The following MCIDAS variants were observed in gnomAD, a reference collection of about 807,000 sequenced individuals.
MCIDAS encodes multicilin.
Under a neutral mutation model 35.4 loss-of-function variants are expected in MCIDAS, and 23 were observed. The observed-to-expected ratio is 0.65, with a 90% CI of 0.47 to 0.92. The LOEUF (loss-of-function observed/expected upper bound fraction) is 0.92. Ranked by LOEUF, MCIDAS falls within the 40% of genes least tolerant of loss-of-function variation. MCIDAS has a pLI of 0.00. For synonymous variants in MCIDAS, 228 were observed against 235.2 expected (o/e 0.97, Z 0.28); for missense variants, 480 against 531.8 (o/e 0.90, Z 0.96).
At chr5:55,221,176 G>A in intron 5 of MCIDAS, 50 bp from the exon 6 acceptor site, 6 of 1,347,878 alleles carry the variant, frequency 4.5e-6, no homozygotes, top group East Asian at 2.5e-5. Flanking sequence ...GCTGGGTCTC[G>A]TCTGCATATC....
intron 4 of MCIDAS, 117 bp from the exon 5 acceptor site, chr5:55,222,516 C>A: frequency 1.2e-6 from 1 of 831,706 alleles, no homozygotes; most frequent in South Asian, 1.9e-5. Flanking sequence ...TTAAATTAAG[C>A]ACCCTTACTC....
chr5:55,220,766 G>T lies in MCIDAS; in HGVS notation c.758C>A (p.Ala253Asp), dbSNP rs763693097. 1 of 1,533,866 alleles carries T rather than the reference G, an allele frequency of 6.5e-7. No individual in the cohort carries two copies. Among genetic ancestry groups the T allele is most frequent in the South Asian group, 1.2e-5 (1 of 84,028 alleles). Residue 253 changes from alanine to aspartate, a missense_variant, in exon 7 of 7, where the codon GCC (alanine) becomes GAC (aspartate). By Grantham distance (126) the Ala-to-Asp change is moderately radical. Transcript: ENST00000513312. Reference sequence around the variant, plus strand: ...CTTCGCCTTGAGCAGGAAGGGCTCGGCCGCCGCCCCACAATCCCGGGACTG... The same window carrying T: ...CTTCGCCTTGAGCAGGAAGGGCTCGTCCGCCGCCCCACAATCCCGGGACTG... The part of the protein sequence containing the change: ...ITQSRDCGAA[A>D]EPFLLKAKAK...
At chr5:55,226,721 A>T (rs1745462237) in intron 2 of MCIDAS, 54 bp from the exon 3 acceptor site, 3 of 1,423,410 alleles carry the variant, frequency 2.1e-6, no homozygotes, top group East Asian at 2.8e-5. Context: ...CCTCTCCGCC[A>T]GGCTCGCAGC....
Position 55,223,117 on chromosome 5 carries a change from C to G in MCIDAS, c.310-94G>C. The G allele has an allele frequency of 9.9e-7, 1 of 1,011,594 alleles. No individual in the cohort carries two copies. Among genetic ancestry groups the G allele is most frequent in the South Asian group, 1.4e-5 (1 of 71,352 alleles). The allele number at this position is 1,011,594 out of a possible 1,614,324, so 62.7% of individuals were successfully genotyped here. A position where few individuals can be genotyped will look rare whatever the true frequency, so the allele number is the denominator to read the frequency against. ...GTCCCTGTTAAAAATCTGGCAGGCA[C>G]TATGCAATATATGCACGTAACACAA... On this transcript the variant is annotated intron_variant, in intron 3 of 6. Transcript: ENST00000513312. The surrounding 1 kb of genome is among the most constrained non-coding windows in gnomAD (Gnocchi z 4.4).
rs1016989420 is a variant in MCIDAS, at chr5:55,226,683, G to A, written c.218-16C>T. 3 of 1,480,496 alleles carry A rather than the reference G, an allele frequency of 2.0e-6. No homozygotes were observed. The highest frequency in any genetic ancestry group is 1.3e-5 in the South Asian group (1 of 76,356). 91.7% of individuals were successfully genotyped at this position (1,480,496 alleles called of 1,614,324 possible). A position where few individuals can be genotyped will look rare whatever the true frequency, so the allele number is the denominator to read the frequency against. ...GTGGTGAGGGCTGCGCGGGGAGACC[G>A]GGAGACACGCGCCGGGCGGGCCCTG... On this transcript the variant is annotated splice_polypyrimidine_tract_variant and intron_variant, in intron 2 of 6. Transcript: ENST00000513312.
chr5:55,227,118 G>A lies in MCIDAS; in HGVS notation c.21C>T (p.Gly7=). 6.8e-7 allele frequency: 1 copy of A among 1,479,648 alleles called. No homozygotes were observed. The highest frequency in any genetic ancestry group is 1.3e-5 in the South Asian group (1 of 76,858). The allele number at this position is 1,479,648 out of a possible 1,614,324, so 91.7% of individuals were successfully genotyped here. MQACGG[G]AAGRRAFDSI... is the part of the protein sequence containing the mutation. ...TGTCGAAGGCCCGACGGCCGGCCGC[G>A]CCGCCCCCGCACGCCTGCATTGTGC... The change falls in exon 1 of 7, where the codon GGC becomes GGT. Residue 7 remains glycine (G), a synonymous_variant. Transcript: ENST00000513312.
intron 2 of MCIDAS, 84 bp from the exon 3 acceptor site, chr5:55,226,751 G>T: frequency 7.1e-7 from 1 of 1,406,536 alleles, no homozygotes; most frequent in South Asian, 1.5e-5. Context: ...AGAGCCCGGG[G>T]GAGAGAAGCT....
Position 55,221,024 on chromosome 5 carries a change from C to G in MCIDAS, c.709G>C (p.Val237Leu). 1.3e-6 allele frequency: 2 copies of G among 1,535,948 alleles called. No homozygotes were observed. The highest frequency in any genetic ancestry group is 8.7e-7 in the Non-Finnish European group (1 of 1,146,754). ...GCCCGCGCCCCACTTACATCCAGCA[C>G]CGAGGCCAGGTGCCGGGTTCGGCTG... ...LASRTRHLAS[V>L]LDKLMITQSR... The change falls in exon 6 of 7, where the codon GTG (valine) becomes CTG (leucine). Residue 237 changes from valine (V) to leucine (L), a missense_variant. Transcript: ENST00000513312.
intron 3 of MCIDAS, among the ~76,000 whole-genome samples, chr5:55,224,337 C>T (rs1745417916): frequency 2.0e-5 from 3 of 152,052 alleles, no homozygotes; most frequent in African/African-American, 7.2e-5. Flanking sequence ...TACTGTTATC[C>T]CCAAAGCCCT....
intron 3 of MCIDAS, among the ~76,000 whole-genome samples, chr5:55,224,636 G>T (rs1028680093): frequency 6.6e-6 from 1 of 152,192 alleles, no homozygotes; most frequent in Admixed American, 6.5e-5. Flanking sequence ...CTCATGAGGA[G>T]ACTGGAGGCC....
At chr5:55,221,849 T>A (rs1745362067) in intron 5 of MCIDAS, among the ~76,000 whole-genome samples, 1 of 151,742 alleles carries the variant, frequency 6.6e-6, no homozygotes, top group African/African-American at 2.4e-5. Context: ...GGCTTGAGCC[T>A]GGGAGGCGGA....
chr5:55,223,578 G>T lies in MCIDAS; in HGVS notation c.310-555C>A, dbSNP rs1298523823. On this transcript the variant is annotated intron_variant, in intron 3 of 6. Transcript: ENST00000513312. This position sits in a 1 kb window ranked among gnomAD's most constrained non-coding sequence, Gnocchi z 4.4. ...TCCGACTCACCAGCGACCGGCCACC[G>T]AGCCGCCGCTGTAGGAGCTGAGAGC... is the stretch of plus-strand genomic sequence containing the variant. Among the ~76,000 whole-genome samples the T allele has an allele frequency of 3.9e-5, 6 of 152,342 alleles. No individual in the cohort carries two copies. The highest frequency in any genetic ancestry group is 2.1e-4 in the South Asian group (1 of 4,828).
intron 3 of MCIDAS, among the ~76,000 whole-genome samples, chr5:55,224,818 C>T (rs1745428257): frequency 6.6e-6 from 1 of 152,196 alleles, no homozygotes; most frequent in African/African-American, 2.4e-5. Flanking sequence ...GAGTGTTTCT[C>T]CCCTGGGGGC....
chr5:55,225,021 G>A (rs184050202), intron 3 of MCIDAS, among the ~76,000 whole-genome samples: 57 of 152,170 alleles, frequency 3.7e-4, no homozygotes, highest in Non-Finnish European at 6.8e-4. Context: ...GTGACATGGC[G>A]AATCCCCATC....
At position 55,226,817 on chromosome 5, in the gene MCIDAS, G is replaced by A; in HGVS notation, c.217+18C>T. ...GCGCGGGGAACCCGAGGGGTAGCGTGGGTGCCACGGGGCTCACCTGGCAGC... is the reference window on the plus strand; with the variant it reads ...GCGCGGGGAACCCGAGGGGTAGCGTAGGTGCCACGGGGCTCACCTGGCAGC... On this transcript the variant is annotated intron_variant, in intron 2 of 6. Coordinates refer to ENST00000513312, the MANE Select transcript of MCIDAS (RefSeq NM_001190787.3). 1 of 1,387,628 alleles carries A rather than the reference G, an allele frequency of 7.2e-7. No individual in the cohort carries two copies. The highest frequency in any genetic ancestry group is 9.3e-7 in the Non-Finnish European group (1 of 1,077,488). 86.0% of individuals were successfully genotyped at this position (1,387,628 alleles called of 1,614,324 possible).
At position 55,227,003 on chromosome 5, in the gene MCIDAS, G is replaced by C. The variant is rs1055800724; in HGVS notation, c.120+16C>G. On this transcript the variant is annotated intron_variant, in intron 1 of 6. Coordinates refer to ENST00000513312, the MANE Select transcript of MCIDAS (RefSeq NM_001190787.3). ...CGAGCGCGCAGACCCCGCCCGGCCC[G>C]AATCAACCGCCCCACCTTCCTCTCC... is the stretch of plus-strand genomic sequence containing the variant. 8 of 1,519,290 alleles carry C rather than the reference G, an allele frequency of 5.3e-6. No individual in the cohort carries two copies. In the South Asian group the frequency reaches 9.6e-5, roughly 18 times the overall value. 94.1% of individuals were successfully genotyped at this position (1,519,290 alleles called of 1,614,324 possible). A position where few individuals can be genotyped will look rare whatever the true frequency, so the allele number is the denominator to read the frequency against.
rs144810466 is a variant in MCIDAS, at chr5:55,224,295, T to A, written c.310-1272A>T. ...ACCAGAAAGACCTTATTATACTGAATGCACTGTTGATTCATTCCTTTGCGC... is the reference window on the plus strand; with the variant it reads ...ACCAGAAAGACCTTATTATACTGAAAGCACTGTTGATTCATTCCTTTGCGC... On this transcript the variant is annotated intron_variant, in intron 3 of 6. Coordinates refer to ENST00000513312, the MANE Select transcript of MCIDAS (RefSeq NM_001190787.3). 1.4e-4 allele frequency among the ~76,000 whole-genome samples: 21 copies of A among 152,188 alleles called. No homozygotes were observed. The East Asian group carries it at 4.1e-3, about 30-fold the overall frequency.
In MCIDAS at chr5:55,219,625, C is replaced by T. The variant is rs1033946813; in HGVS notation, c.*741G>A. The T allele has an allele frequency of 1.3e-5, 2 of 149,200 alleles. No individual in the cohort carries two copies. The highest frequency in any genetic ancestry group is 4.9e-5 in the African/African-American group (2 of 40,480). The allele number at this position is 149,200 out of a possible 1,614,324, so 9.2% of individuals were successfully genotyped here. ...ATATATTTCTCATTAACACTGTTTG[C>T]TTATAGGTGGTTATTCTATTTGCAC... On this transcript the variant is annotated 3_prime_UTR_variant, in exon 7 of 7. Coordinates refer to ENST00000513312, the MANE Select transcript of MCIDAS (RefSeq NM_001190787.3).
chr5:55,226,482 G>T, intron 3 of MCIDAS, 94 bp downstream of exon 3: 1 of 1,296,256 alleles, frequency 7.7e-7, no homozygotes, highest in Non-Finnish European at 1.0e-6. Flanking sequence ...CTGCGCTCCC[G>T]ACCCGAGAGG....
Sources: gnomAD v4.1 joint callset for allele counts (sites outside exome capture counted in the v4.1 genomes callset) on GRCh38, gnomAD v4.1.1 for gene constraint, Gnocchi (gnomAD v3.1) non-coding constraint, MANE v1.5 for transcripts, NCBI Gene and HGNC (gene_info 2026-07-23, HGNC 2026-07-21) for gene names.